ARHGAP24: variants seen among roughly 807,000 people sequenced by gnomAD.
ARHGAP24 encodes rho GTPase-activating protein 24.
ARHGAP24 carries 50 observed loss-of-function variants against 76.4 expected under a neutral mutation model. The observed-to-expected ratio is 0.65, with a 90% CI of 0.52 to 0.83. The LOEUF is 0.83. ARHGAP24 is among the 40% of genes least tolerant of loss of function. ARHGAP24 has a pLI of 0.00. For missense variants in ARHGAP24, 930 were observed against 914.2 expected, an observed-to-expected ratio of 1.02 and a Z score of -0.22; for synonymous variants, 345 against 323.3, an observed-to-expected ratio of 1.07 and a Z score of -0.72.
chr4:85,968,832 T>C (rs1738786493), intron 5 of ARHGAP24, among the ~76,000 whole-genome samples: 1 of 152,168 alleles, frequency 6.6e-6, no homozygotes, highest in Non-Finnish European at 1.5e-5. Flanking sequence ...AAGAGAGTCA[T>C]AAATTTTTAA....
chr4:85,521,232 A>G (rs141735234), intron 1 of ARHGAP24, among the ~76,000 whole-genome samples: 58 of 152,200 alleles, frequency 3.8e-4, no homozygotes, highest in Non-Finnish European at 6.5e-4. Context: ...CAGCAATGCT[A>G]TTATTCCATT....
rs57348830 is a variant in ARHGAP24 at position 85,610,451 on chromosome 4, C to CAAAAAAAAAA, written c.180+39752_180+39761dup. Among the ~76,000 whole-genome samples the CAAAAAAAAAA allele has an allele frequency of 7.4e-4, 38 of 51,246 alleles. 2 individuals carry two copies. The highest frequency in any genetic ancestry group is 2.2e-3 in the African/African-American group (27 of 12,380). 33.6% of individuals were successfully genotyped at this position (51,246 alleles called of 152,430 possible). A position where few individuals can be genotyped will look rare whatever the true frequency, so the allele number is the denominator to read the frequency against. ...AGAGTGAGGAGTGAGACTCCATCTA[C>CAAAAAAAAAA]AAAAAAAAAAAAAAAAAAAAAAAAA... On this transcript the variant is annotated intron_variant, in intron 2 of 9. Transcript: ENST00000395184.
chr4:85,537,644 T>C (rs1056169072), intron 1 of ARHGAP24, among the ~76,000 whole-genome samples: 1 of 152,184 alleles, frequency 6.6e-6, no homozygotes, highest in Non-Finnish European at 1.5e-5. Flanking sequence ...TATAGAAAAC[T>C]TTCTTAAGGA....
rs566780498 is a variant in ARHGAP24 at position 85,958,565 on chromosome 4, A to T, written c.600-13471A>T. ...TGAAAATAAGTAAGATACCTATAAG[A>T]TTTTATATTATGAAAGTGTGTTTTT... On this transcript the variant is annotated intron_variant, in intron 5 of 9. Coordinates refer to ENST00000395184, the MANE Select transcript of ARHGAP24 (RefSeq NM_001025616.3). Among the ~76,000 whole-genome samples, 5 of 152,260 alleles carry T rather than the reference A, an allele frequency of 3.3e-5. No homozygotes were observed. The East Asian group carries it at 9.7e-4, about 29-fold the overall frequency.
At chr4:85,948,313 A>G (rs989089987) in intron 5 of ARHGAP24, among the ~76,000 whole-genome samples, 2 of 152,194 alleles carry the variant, frequency 1.3e-5, no homozygotes, top group South Asian at 2.1e-4. Flanking sequence ...GTATAATAGG[A>G]TAAGCAACAT....
At position 85,796,608 on chromosome 4, in the gene ARHGAP24, T is replaced by C. The variant is rs192229122; in HGVS notation, c.268+74636T>C. 1.5e-3 allele frequency among the ~76,000 whole-genome samples: 230 copies of C among 152,242 alleles called. 1 individual carries two copies. Among genetic ancestry groups the C allele is most frequent in the African/African-American group, 5.4e-3 (225 of 41,554 alleles). On this transcript the variant is annotated intron_variant, in intron 3 of 9. Transcript: ENST00000395184. ...TAATTTGAACAGGGACAGTTTAATA[T>C]AAAGAATGATTAACTATTACAGGGA...
chr4:85,506,719 G>A (rs947741038), intron 1 of ARHGAP24, among the ~76,000 whole-genome samples: 22 of 152,148 alleles, frequency 1.4e-4, no homozygotes, highest in Admixed American at 9.8e-4. Flanking sequence ...GCAATGCCCC[G>A]CCCTGCTTCG....
intron 2 of ARHGAP24, among the ~76,000 whole-genome samples, chr4:85,716,434 AC>A (rs1284151096): frequency 5.9e-5 from 9 of 152,260 alleles, no homozygotes; most frequent in African/African-American, 2.2e-4. Flanking sequence ...GAATAAAAAT[AC>A]GTATAATCCC....
At chr4:85,648,006 T>C (rs1721788825) in intron 2 of ARHGAP24, among the ~76,000 whole-genome samples, 1 of 152,158 alleles carries the variant, frequency 6.6e-6, no homozygotes, top group South Asian at 2.1e-4. Flanking sequence ...GTTGCCATTG[T>C]TTGAAAAATT....
chr4:85,734,770 T>G (rs1725543948), intron 3 of ARHGAP24, among the ~76,000 whole-genome samples: 1 of 151,542 alleles, frequency 6.6e-6, no homozygotes, highest in African/African-American at 2.4e-5. Context: ...TATTTGGCTC[T>G]GATCTCTGGG....
intron 3 of ARHGAP24, among the ~76,000 whole-genome samples, chr4:85,801,130 C>CT (rs1358467401): frequency 2.6e-5 from 4 of 151,900 alleles, no homozygotes; most frequent in East Asian, 1.9e-4. Context: ...ATTTTTTATC[C>CT]TTTTTTTGTT....
At chr4:85,641,134 T>C (rs1223610335) in intron 2 of ARHGAP24, among the ~76,000 whole-genome samples, 3 of 152,138 alleles carry the variant, frequency 2.0e-5, no homozygotes, top group African/African-American at 7.2e-5. Flanking sequence ...TCTCACGCTA[T>C]CACTCAGGCT....
intron 1 of ARHGAP24, among the ~76,000 whole-genome samples, chr4:85,551,458 A>G (rs916907556): frequency 3.3e-5 from 5 of 152,142 alleles, no homozygotes; most frequent in Admixed American, 2.6e-4. Flanking sequence ...TTTTGCATCT[A>G]TGTGCATCAA....
intron 1 of ARHGAP24, among the ~76,000 whole-genome samples, chr4:85,526,034 G>T (rs1011872682): frequency 6.6e-6 from 1 of 152,042 alleles, no homozygotes; most frequent in Non-Finnish European, 1.5e-5. Flanking sequence ...CTGAGATAAT[G>T]GACCTAATAA....
At chr4:85,812,351 C>A (rs903431975) in intron 3 of ARHGAP24, among the ~76,000 whole-genome samples, 2 of 152,018 alleles carry the variant, frequency 1.3e-5, no homozygotes, top group Non-Finnish European at 2.9e-5. Flanking sequence ...AGGTAGATTT[C>A]AAACATAGGT....
intron 5 of ARHGAP24, among the ~76,000 whole-genome samples, chr4:85,968,708 A>G (rs1738778015): frequency 6.6e-6 from 1 of 152,136 alleles, no homozygotes; most frequent in African/African-American, 2.4e-5. Context: ...ATTAGATTCT[A>G]TCCAGAAATG....
chr4:85,577,128 A>T (rs1727410260), intron 2 of ARHGAP24, among the ~76,000 whole-genome samples: 1 of 151,014 alleles, frequency 6.6e-6, no homozygotes, highest in Non-Finnish European at 1.5e-5. Flanking sequence ...CATTCATTTG[A>T]TTTTTTAAGT....
intron 2 of ARHGAP24, among the ~76,000 whole-genome samples, chr4:85,651,663 C>A (rs1006617819): frequency 1.3e-5 from 2 of 149,508 alleles, no homozygotes; most frequent in Non-Finnish European, 2.9e-5. Flanking sequence ...CATAGTAACA[C>A]ATTGAGTTTT....
intron 2 of ARHGAP24, among the ~76,000 whole-genome samples, chr4:85,632,863 A>C (rs1313348456): frequency 6.6e-6 from 1 of 151,994 alleles, no homozygotes; most frequent in African/African-American, 2.4e-5. Context: ...TTCCCTAATG[A>C]GATAACAGAT....
Sources: allele counts gnomAD v4.1 joint callset (sites outside exome capture counted in the v4.1 genomes callset), GRCh38; gene constraint gnomAD v4.1.1; transcripts MANE v1.5; gene names NCBI Gene and HGNC (gene_info 2026-07-23, HGNC 2026-07-21).